The following CELA2A variants were observed in gnomAD, a reference collection of about 807,000 sequenced individuals.
CELA2A encodes the protein chymotrypsin-like elastase family member 2A.
CELA2A carries 31 observed loss-of-function variants against 35.3 expected under a neutral mutation model. The ratio of observed to expected loss-of-function variants is 0.88; its 90% CI spans 0.66 to 1.19. CELA2A has a LOEUF of 1.19. Among genes scored for constraint, CELA2A ranks in the 50% most tolerant of loss-of-function variants. CELA2A has a pLI of 0.00. For missense variants in CELA2A, 330 were observed against 352.9 expected (o/e 0.94, Z 0.52); for synonymous variants, 150 against 149.8 (o/e 1.00, Z -0.01).
In CELA2A at chr1:15,467,547, C is replaced by T. The variant is rs200863989; in HGVS notation, c.792+9C>T. 103 of 1,613,750 alleles carry T rather than the reference C, an allele frequency of 6.4e-5. 2 individuals carry two copies. In the South Asian group the frequency reaches 9.4e-4, roughly 15 times the overall value. ...TCGACTGGATCAATTCGGTAAGAAC[C>T]GGACCAGCCCTGAGCCCCAAGGCAC... On this transcript the variant is annotated intron_variant, in intron 7 of 7. Transcript: ENST00000359621.
intron 7 of CELA2A, among the ~76,000 whole-genome samples, chr1:15,468,612 T>G (rs1389038131): frequency 1.3e-5 from 2 of 151,540 alleles, no homozygotes; most frequent in Non-Finnish European, 2.9e-5. Context: ...TTCAAGAGCA[T>G]CCTGGGCAAC....
At chr1:15,457,009 G>T (rs1353256322) in intron 1 of CELA2A, 77 bp from the exon 2 acceptor site, 42 of 1,436,488 alleles carry the variant, frequency 2.9e-5, no homozygotes, top group South Asian at 2.7e-4. Context: ...TATTTGGGGG[G>T]TCAGAATGCG....
chr1:15,465,887 G>C (rs1402040421), intron 5 of CELA2A, 112 bp from the exon 6 acceptor site: 23 of 1,280,222 alleles, frequency 1.8e-5, no homozygotes, highest in Non-Finnish European at 2.5e-5. Flanking sequence ...GTGGCTGTTC[G>C]CATGTTGCAA....
chr1:15,468,624 T>C (rs534009408), intron 7 of CELA2A, among the ~76,000 whole-genome samples: 31 of 152,024 alleles, frequency 2.0e-4, no homozygotes, highest in Non-Finnish European at 2.9e-4. Context: ...CTGGGCAACA[T>C]AGCAAGACTC....
Position 15,460,281 on chromosome 1 carries a change from G to A in CELA2A, c.130-1280G>A, listed in dbSNP as rs75034615. On this transcript the variant is annotated intron_variant, in intron 2 of 7. Coordinates refer to ENST00000359621, the MANE Select transcript of CELA2A (RefSeq NM_033440.3). Reference sequence around the variant, plus strand: ...ATTATGTGGGCTAAATTTCACATCTGTACGATGGTTTCAGCACATTTTTAA... The same window carrying A: ...ATTATGTGGGCTAAATTTCACATCTATACGATGGTTTCAGCACATTTTTAA... Among the ~76,000 whole-genome samples the A allele has an allele frequency of 9.9e-3, 1,465 of 148,210 alleles. 30 individuals carry two copies. The highest frequency in any genetic ancestry group is 0.034 in the African/African-American group (1,363 of 39,880).
rs200311291 is a variant in CELA2A, at chr1:15,463,529, G to A, written c.493+7G>A. 1.9e-6 allele frequency: 3 copies of A among 1,613,186 alleles called. No individual in the cohort carries two copies. The highest frequency in any genetic ancestry group is 1.7e-4 in the Middle Eastern group (1 of 6,044). On this transcript the variant is annotated splice_region_variant and intron_variant, in intron 5 of 7. Coordinates refer to ENST00000359621, the MANE Select transcript of CELA2A (RefSeq NM_033440.3). The stretch of plus-strand genomic sequence containing the variant: ...GGCTGGGGAAGGCTGCAGAGTAAGT[G>A]GGAGCCAGGAGCCCCCAGGCCTGGG...
At chr1:15,471,123 C>T (rs1708588865) in intron 7 of CELA2A, among the ~76,000 whole-genome samples, 2 of 152,154 alleles carry the variant, frequency 1.3e-5, no homozygotes, top group Admixed American at 6.5e-5. Context: ...TTCATGTTTC[C>T]TATTTTTCAC....
At chr1:15,458,581 G>A (rs1708391609) in intron 2 of CELA2A, among the ~76,000 whole-genome samples, 1 of 152,098 alleles carries the variant, frequency 6.6e-6, no homozygotes, top group Non-Finnish European at 1.5e-5. Flanking sequence ...TGTGTTTAGA[G>A]AGGCCAGCGT....
rs765126729 is a variant in CELA2A, at chr1:15,466,143, A to G, written c.638A>G (p.Asn213Ser). Residue 213 changes from asparagine (N) to serine (S), a missense_variant and splice_region_variant, in exon 6 of 8, where the codon AAC becomes AGC. By Grantham distance (46) the Asn-to-Ser change is conservative. Transcript: ENST00000359621. ...AGGDGVISSC[N>S]GDSGGPLNCQ... ...GGTGATGGCGTGATCTCCAGCTGCA[A>G]CGTGAGTACCAAAATCAGGGGCTCC... The G allele has an allele frequency of 1.2e-6, 2 of 1,613,568 alleles. No individual in the cohort carries two copies. The highest frequency in any genetic ancestry group is 2.7e-5 in the African/African-American group (2 of 74,926).
chr1:15,458,467 G>C (rs1287127092), intron 2 of CELA2A, among the ~76,000 whole-genome samples: 5 of 152,220 alleles, frequency 3.3e-5, no homozygotes, highest in Admixed American at 1.3e-4. Flanking sequence ...AAACTGCTTT[G>C]GGAGCAAACC....
At chr1:15,464,907 A>G (rs1462574073) in intron 5 of CELA2A, among the ~76,000 whole-genome samples, 3 of 152,144 alleles carry the variant, frequency 2.0e-5, no homozygotes, top group Non-Finnish European at 2.9e-5. Flanking sequence ...GAAGACTAAA[A>G]GAGGTGAAAG....
intron 3 of CELA2A, 129 bp from the exon 4 acceptor site, chr1:15,462,604 C>A: frequency 8.9e-7 from 1 of 1,119,202 alleles, no homozygotes; most frequent in Non-Finnish European, 1.3e-6. Flanking sequence ...CTGATTGTCC[C>A]AGGGGAGGAA....
rs768529968 is a variant in CELA2A at position 15,462,800 on chromosome 1, G to T, written c.295G>T (p.Ala99Ser). ...CTACGTTGCGGAGTCCGGCTCGCTG[G>T]CAGTCAGTGTCTCTAAGATTGTGGT... is the stretch of plus-strand genomic sequence containing the variant. ...NLYVAESGSL[A>S]VSVSKIVVHK... The change falls in exon 4 of 8, where the codon GCA (alanine) becomes TCA (serine). Residue 99 changes from alanine (A) to serine (S), a missense_variant. Transcript: ENST00000359621. 6 of 1,614,028 alleles carry T rather than the reference G, an allele frequency of 3.7e-6. No individual in the cohort carries two copies. In the African/African-American group the frequency reaches 8.0e-5, roughly 22 times the overall value.
intron 5 of CELA2A, 28 bp downstream of exon 5, chr1:15,463,550 C>A (rs1708470090): frequency 6.2e-7 from 1 of 1,612,608 alleles, no homozygotes; most frequent in South Asian, 1.1e-5. Context: ...GCCCCCAGGC[C>A]TGGGAGGGAA....
At chr1:15,466,521 C>T (rs879593985) in intron 6 of CELA2A, among the ~76,000 whole-genome samples, 20 of 151,712 alleles carry the variant, frequency 1.3e-4, no homozygotes, top group African/African-American at 2.9e-4. Context: ...GAGATCACAC[C>T]GCTGCAATCC....
intron 7 of CELA2A, among the ~76,000 whole-genome samples, chr1:15,468,091 TAAAAA>T (rs35520894): frequency 1.2e-5 from 1 of 86,428 alleles, no homozygotes; most frequent in African/African-American, 4.6e-5. Context: ...AAACTCCATC[TAAAAA>T]AAAAAAAAAA....
In CELA2A at chr1:15,467,441, A is replaced by T; in HGVS notation, c.695A>T (p.His232Leu). The T allele has an allele frequency of 6.2e-7, 1 of 1,614,048 alleles. No individual in the cohort carries two copies. The highest frequency in any genetic ancestry group is 8.5e-7 in the Non-Finnish European group (1 of 1,180,014). ...GCGTCTGACGGCCGGTGGCAGGTGC[A>T]CGGCATCGTCAGCTTCGGGTCTCGC... ...CQASDGRWQV[H>L]GIVSFGSRLG... Residue 232 changes from histidine (H) to leucine (L), a missense_variant, in exon 7 of 8, where the codon CAC (histidine) becomes CTC (leucine). By Grantham distance (99) the His-to-Leu change is moderately conservative. Coordinates refer to ENST00000359621, the MANE Select transcript of CELA2A (RefSeq NM_033440.3).
At chr1:15,469,334 G>C (rs929272107) in intron 7 of CELA2A, among the ~76,000 whole-genome samples, 1 of 152,206 alleles carries the variant, frequency 6.6e-6, no homozygotes, top group Non-Finnish European at 1.5e-5. Context: ...ACTTGAACTA[G>C]ACCAGGACTC....
At position 15,466,115 on chromosome 1, in the gene CELA2A, G is replaced by A; in HGVS notation, c.610G>A (p.Gly204Arg). 6.2e-7 allele frequency: 1 copy of A among 1,614,082 alleles called. No homozygotes were observed. The highest frequency in any genetic ancestry group is 8.5e-7 in the Non-Finnish European group (1 of 1,180,004). Residue 204 changes from glycine (G) to arginine (R), a missense_variant, in exon 6 of 8, where the codon GGG becomes AGG. Transcript: ENST00000359621. ...CGTGAAAACCAGTATGATCTGTGCT[G>A]GGGGTGATGGCGTGATCTCCAGCTG... ...SSVKTSMICAGGDGVISSCNG... is the reference protein window; with the variant it reads ...SSVKTSMICARGDGVISSCNG...
Sources: allele counts gnomAD v4.1 joint callset (sites outside exome capture counted in the v4.1 genomes callset), GRCh38; gene constraint gnomAD v4.1.1; transcripts MANE v1.5; gene names NCBI Gene and HGNC (gene_info 2026-07-23, HGNC 2026-07-21).